Variants in PARD3B observed in about 807,000 individuals in gnomAD.
PARD3B encodes the protein par-3 family cell polarity regulator beta.
In PARD3B, 103 loss-of-function variants were observed where a neutral mutation model predicts 130.2. That is an observed-to-expected ratio of 0.79 (90% CI 0.67 to 0.93). PARD3B has a LOEUF of 0.93. Among genes scored for constraint, PARD3B ranks in the 40% least tolerant of loss-of-function variants. The probability of loss-of-function intolerance (pLI) is 0.00; values close to 1 mark genes in which losing one functional copy is unlikely to be tolerated. For synonymous variants in PARD3B, 583 were observed against 553.2 expected (o/e 1.05, Z -0.76); for missense variants, 1,609 against 1,499.2 (o/e 1.07, Z -1.21).
intron 4 of PARD3B, among the ~76,000 whole-genome samples, chr2:205,066,737 T>C (rs1286770987): frequency 1.3e-5 from 2 of 152,232 alleles, no homozygotes; most frequent in Non-Finnish European, 2.9e-5. Flanking sequence ...ACATGTTTTT[T>C]CTGCTTTTTT....
In PARD3B at chr2:205,268,570, T is replaced by A. The variant is rs1167486832; in HGVS notation, c.2185+22748T>A. Among the ~76,000 whole-genome samples the A allele has an allele frequency of 6.6e-6, 1 of 152,096 alleles. No individual in the cohort carries two copies. The highest frequency in any genetic ancestry group is 1.5e-5 in the Non-Finnish European group (1 of 68,014). The stretch of plus-strand genomic sequence containing the variant: ...TAGAAAAATCTGATTTGAAATCAGG[T>A]GGAAAGTGCTCTAATGCCACTAGTA... On this transcript the variant is annotated intron_variant, in intron 16 of 22. Coordinates refer to ENST00000406610, the MANE Select transcript of PARD3B (RefSeq NM_001302769.2). The surrounding 1 kb of genome is among the most constrained non-coding windows in gnomAD (Gnocchi z 4.1).
chr2:205,557,164 A>G (rs2052926350), intron 22 of PARD3B, among the ~76,000 whole-genome samples: 1 of 152,142 alleles, frequency 6.6e-6, no homozygotes, highest in Non-Finnish European at 1.5e-5. Flanking sequence ...CTGTGGTCCT[A>G]CATGCGTGGG....
At chr2:204,850,164 T>A (rs1264969318) in intron 2 of PARD3B, among the ~76,000 whole-genome samples, 1 of 152,162 alleles carries the variant, frequency 6.6e-6, no homozygotes, top group Non-Finnish European at 1.5e-5. Context: ...TACTTGAAGC[T>A]TAGTTTGTAT....
At chr2:205,225,923 T>G (rs967596530) in intron 15 of PARD3B, among the ~76,000 whole-genome samples, 3 of 152,228 alleles carry the variant, frequency 2.0e-5, no homozygotes, top group African/African-American at 7.2e-5. Flanking sequence ...ATGGGTAGTT[T>G]GCAAATATTT....
intron 13 of PARD3B, among the ~76,000 whole-genome samples, chr2:205,178,565 AAC>A (rs2035616080): frequency 1.3e-5 from 2 of 152,252 alleles, no homozygotes; most frequent in Admixed American, 6.5e-5. Flanking sequence ...TGCAAAATAA[AAC>A]AGTCTTCTTT....
rs528826888 is a variant in PARD3B, at chr2:205,496,812, CT to C, written c.3045-3072del. Among the ~76,000 whole-genome samples the C allele has an allele frequency of 7.9e-3, 1,147 of 145,926 alleles. 7 individuals are homozygous for C. The highest frequency in any genetic ancestry group is 0.031 in the South Asian group (145 of 4,638). ...TTAGAAAACAGTGCTTTATCAGTTT[CT>C]TTTTTTTTTTTCTTTATTACTGATG... On this transcript the variant is annotated intron_variant, in intron 20 of 22. Coordinates refer to ENST00000406610, the MANE Select transcript of PARD3B (RefSeq NM_001302769.2).
intron 20 of PARD3B, among the ~76,000 whole-genome samples, chr2:205,442,289 C>CTT (rs2047742370): frequency 4.7e-5 from 6 of 126,690 alleles, no homozygotes; most frequent in African/African-American, 2.2e-4. Context: ...AACAGGTTTT[C>CTT]CTTTTTTTTT....
At chr2:205,512,201 A>G (rs571044134) in intron 21 of PARD3B, among the ~76,000 whole-genome samples, 2 of 152,300 alleles carry the variant, frequency 1.3e-5, no homozygotes, top group Non-Finnish European at 2.9e-5. Context: ...GAATCTCATT[A>G]ATGTCTTTGT....
chr2:204,936,393 C>T (rs1022448198), intron 2 of PARD3B, among the ~76,000 whole-genome samples: 1 of 152,204 alleles, frequency 6.6e-6, no homozygotes, highest in Non-Finnish European at 1.5e-5. Flanking sequence ...GTTGATCAAT[C>T]TATTAACATG....
At position 205,300,633 on chromosome 2, in the gene PARD3B, C is replaced by T. The variant is rs2105902253; in HGVS notation, c.2289C>T (p.Pro763=). Residue 763 remains proline, a synonymous_variant, in exon 17 of 23, where the codon CCC becomes CCT. Coordinates refer to ENST00000406610, the MANE Select transcript of PARD3B (RefSeq NM_001302769.2). The surrounding 1 kb of genome is among the most constrained non-coding windows in gnomAD (Gnocchi z 4.1). ...CCGAGGTCAGGAAGAATGACCTTCC[C>T]TTTCACAGGCCCCGGCCGCACATGG... ...AVAEVRKNDL[P]FHRPRPHMVR... is the part of the protein sequence containing the mutation. The T allele has an allele frequency of 6.2e-7, 1 of 1,613,928 alleles. No individual in the cohort carries two copies. The highest frequency in any genetic ancestry group is 2.2e-5 in the East Asian group (1 of 44,874).
In PARD3B at chr2:205,067,211, GA is replaced by G. The variant is rs141057072; in HGVS notation, c.504+19522del. Among the ~76,000 whole-genome samples the G allele has an allele frequency of 1.6e-3, 244 of 147,898 alleles. 1 individual carries two copies. Among genetic ancestry groups the G allele is most frequent in the Non-Finnish European group, 2.9e-3 (198 of 67,390 alleles). On this transcript the variant is annotated intron_variant, in intron 4 of 22. Transcript: ENST00000406610. ...GGGTCTCACTCTGTCACTCAGACTG[GA>G]GTGCAATGCTGCAATCCTAGCTCAC... is the stretch of plus-strand genomic sequence containing the variant.
chr2:205,209,823 A>C (rs1446585517), intron 15 of PARD3B, among the ~76,000 whole-genome samples: 1 of 152,058 alleles, frequency 6.6e-6, no homozygotes. Context: ...GAATGAATGA[A>C]TAAGGCCTAG....
intron 2 of PARD3B, among the ~76,000 whole-genome samples, chr2:204,883,597 G>A (rs182929305): frequency 0.022 from 3,279 of 150,012 alleles, 122 homozygotes; most frequent in African/African-American, 0.076. Context: ...ACAGGTGTCC[G>A]CCACCACGCC....
chr2:204,821,188 A>C (rs186960252), intron 2 of PARD3B, among the ~76,000 whole-genome samples: 117 of 152,236 alleles, frequency 7.7e-4, no homozygotes, highest in African/African-American at 2.6e-3. Flanking sequence ...ATGTTGTGGG[A>C]GGGACCTGGT....
intron 2 of PARD3B, among the ~76,000 whole-genome samples, chr2:204,861,722 G>A (rs1389136450): frequency 6.6e-6 from 1 of 151,796 alleles, no homozygotes; most frequent in Non-Finnish European, 1.5e-5. Context: ...TTCTCAGTCT[G>A]TAGAAGACTA....
chr2:204,750,904 A>G (rs1365951264), intron 2 of PARD3B, among the ~76,000 whole-genome samples: 1 of 152,202 alleles, frequency 6.6e-6, no homozygotes, highest in Non-Finnish European at 1.5e-5. Flanking sequence ...TTTTTTAAAA[A>G]TGTAAACCAT....
intron 4 of PARD3B, among the ~76,000 whole-genome samples, chr2:205,069,258 G>A (rs1232508500): frequency 6.6e-6 from 1 of 151,670 alleles, no homozygotes; most frequent in African/African-American, 2.4e-5. Context: ...GCAACCACTT[G>A]TTTGTTTTGG....
At chr2:204,812,791 A>G (rs991568261) in intron 2 of PARD3B, among the ~76,000 whole-genome samples, 7 of 152,160 alleles carry the variant, frequency 4.6e-5, no homozygotes, top group Non-Finnish European at 4.4e-5. Context: ...GGTGTTTTCT[A>G]TCTGCTGGGA....
At position 205,570,159 on chromosome 2, in the gene PARD3B, C is replaced by T. The variant is rs199746352; in HGVS notation, c.3260+16756C>T. Among the ~76,000 whole-genome samples the T allele has an allele frequency of 1.2e-4, 18 of 152,240 alleles. No homozygotes were observed. In the East Asian group the frequency reaches 3.3e-3, roughly 28 times the overall value. ...TTCTTAATCTGGGATCTGTGCATAT[C>T]TAAATTGACAGTGATTAGTTTCAAG... On this transcript the variant is annotated intron_variant, in intron 22 of 22. Transcript: ENST00000406610.
Sources: allele counts gnomAD v4.1 joint callset (sites outside exome capture counted in the v4.1 genomes callset), GRCh38; gene constraint gnomAD v4.1.1; non-coding constraint Gnocchi (gnomAD v3.1); transcripts MANE v1.5; gene names NCBI Gene and HGNC (gene_info 2026-07-23, HGNC 2026-07-21).